Variants in TTC28 observed in about 807,000 individuals in gnomAD.
The protein encoded by TTC28 is tetratricopeptide repeat protein 28.
Under a neutral mutation model 198.0 loss-of-function variants are expected in TTC28, and 61 were observed. The observed-to-expected ratio is 0.31, with a 90% CI of 0.25 to 0.38. TTC28 has a LOEUF of 0.38. TTC28 is among the 10% of genes least tolerant of loss of function. The probability of loss-of-function intolerance (pLI) is 1.00; values close to 1 mark genes in which losing one functional copy is unlikely to be tolerated. For synonymous variants in TTC28, 1,171 were observed against 1,297.8 expected, an observed-to-expected ratio of 0.90 and a Z score of 2.10; for missense variants, 2,678 against 3,164.0, an observed-to-expected ratio of 0.85 and a Z score of 3.69.
chr22:28,198,980 T>C (rs1034123621), intron 5 of TTC28, among the ~76,000 whole-genome samples: 2 of 152,130 alleles, frequency 1.3e-5, no homozygotes, highest in Non-Finnish European at 2.9e-5. Flanking sequence ...AAAACAGGTT[T>C]GGTAAACCAA....
chr22:28,309,337 A>C (rs1569252007), intron 2 of TTC28, among the ~76,000 whole-genome samples: 1 of 152,236 alleles, frequency 6.6e-6, no homozygotes, highest in Non-Finnish European at 1.5e-5. Context: ...TGAGCAATCA[A>C]GAAACTATAT....
intron 2 of TTC28, among the ~76,000 whole-genome samples, chr22:28,613,930 G>A (rs1414459112): frequency 6.6e-6 from 1 of 152,148 alleles, no homozygotes; most frequent in African/African-American, 2.4e-5. Context: ...CACAGTATTG[G>A]AAGTTCTGGC....
chr22:28,643,169 C>T (rs1393857726), intron 1 of TTC28: 1 of 152,180 alleles, frequency 6.6e-6, no homozygotes, highest in Non-Finnish European at 1.5e-5. Context: ...AATGTGGACA[C>T]CATCATAGCG....
intron 2 of TTC28, among the ~76,000 whole-genome samples, chr22:28,352,161 A>T (rs2046006288): frequency 1.3e-5 from 2 of 152,156 alleles, no homozygotes; most frequent in African/African-American, 4.8e-5. Flanking sequence ...AAACTTTCAA[A>T]ACTGAAAACC....
At chr22:28,055,616 G>A (rs1162956842) in intron 12 of TTC28, among the ~76,000 whole-genome samples, 2 of 152,132 alleles carry the variant, frequency 1.3e-5, no homozygotes, top group Admixed American at 1.3e-4. Flanking sequence ...ACTCTATGAG[G>A]CAACGATCAT....
intron 2 of TTC28, among the ~76,000 whole-genome samples, chr22:28,435,493 T>C (rs1326650611): frequency 1.3e-5 from 2 of 152,242 alleles, no homozygotes; most frequent in Non-Finnish European, 2.9e-5. Context: ...GAGACATACA[T>C]TGTTATTAAT....
chr22:28,352,004 T>C (rs953833732), intron 2 of TTC28, among the ~76,000 whole-genome samples: 4 of 152,196 alleles, frequency 2.6e-5, no homozygotes. Context: ...TGTTCGTTTC[T>C]AGATATTCTC....
intron 2 of TTC28, among the ~76,000 whole-genome samples, chr22:28,406,642 G>C (rs187084331): frequency 1.3e-5 from 2 of 152,238 alleles, no homozygotes. Context: ...AAAAATTGGG[G>C]AAAATGCTTT....
intron 12 of TTC28, among the ~76,000 whole-genome samples, chr22:28,059,162 C>T (rs1601572319): frequency 6.6e-6 from 1 of 151,910 alleles, no homozygotes; most frequent in East Asian, 1.9e-4. Context: ...ACATGCTCTT[C>T]GTTTTCTAGC....
chr22:28,377,646 G>A lies in TTC28; in HGVS notation c.382-71003C>T, dbSNP rs142541370. On this transcript the variant is annotated intron_variant, in intron 2 of 22. Transcript: ENST00000397906. ...CCCTCAATAGTGAGGCAAAATTAAC[G>A]TAGACCAAAGGCTACTCTGGTCCTA... Among the ~76,000 whole-genome samples the A allele has an allele frequency of 9.8e-4, 149 of 152,128 alleles. 2 individuals are homozygous for A. The highest frequency in any genetic ancestry group is 6.8e-3 in the Middle Eastern group (2 of 294).
At chr22:28,273,145 T>A (rs1017592625) in intron 5 of TTC28, among the ~76,000 whole-genome samples, 1 of 152,158 alleles carries the variant, frequency 6.6e-6, no homozygotes, top group African/African-American at 2.4e-5. Flanking sequence ...TGGATTAAGA[T>A]GATCTACTCC....
chr22:28,438,152 T>G (rs969846032), intron 2 of TTC28, among the ~76,000 whole-genome samples: 7 of 152,234 alleles, frequency 4.6e-5, no homozygotes, highest in African/African-American at 1.7e-4. Context: ...TGTTATACTA[T>G]TAAATAAATT....
chr22:28,145,709 T>C (rs1290527422), intron 6 of TTC28, among the ~76,000 whole-genome samples: 1 of 152,246 alleles, frequency 6.6e-6, no homozygotes, highest in African/African-American at 2.4e-5. Flanking sequence ...AGAAATGTTA[T>C]GTATTTCAGT....
chr22:28,452,488 G>A (rs1320344564), intron 2 of TTC28, among the ~76,000 whole-genome samples: 1 of 149,788 alleles, frequency 6.7e-6, no homozygotes, highest in East Asian at 2.0e-4. Flanking sequence ...TCCTCGAGGA[G>A]AAAACAGATC....
intron 2 of TTC28, among the ~76,000 whole-genome samples, chr22:28,440,142 A>G (rs2047595514): frequency 6.6e-6 from 1 of 152,158 alleles, no homozygotes; most frequent in African/African-American, 2.4e-5. Context: ...AGCCAGCTGT[A>G]CACATTTAAT....
At chr22:28,212,010 G>A (rs953590138) in intron 5 of TTC28, among the ~76,000 whole-genome samples, 4 of 152,016 alleles carry the variant, frequency 2.6e-5, no homozygotes, top group South Asian at 2.1e-4. Context: ...ACTGAACAAC[G>A]TGCTCCTCAA....
intron 2 of TTC28, among the ~76,000 whole-genome samples, chr22:28,591,066 T>C (rs1443286652): frequency 2.4e-5 from 3 of 125,154 alleles, no homozygotes; most frequent in African/African-American, 7.0e-5. Context: ...TATATATATA[T>C]ATATATATAT....
intron 16 of TTC28, chr22:27,998,158 T>C (rs1374717658): frequency 4.0e-6 from 1 of 248,534 alleles, no homozygotes; most frequent in East Asian, 9.0e-5. Flanking sequence ...AGAGGGTAAG[T>C]AACCTATCTC....
chr22:28,597,641 A>G (rs1374038507), intron 2 of TTC28, among the ~76,000 whole-genome samples: 2 of 152,238 alleles, frequency 1.3e-5, no homozygotes, highest in African/African-American at 4.8e-5. Flanking sequence ...CAATTATTAT[A>G]GAGAAGCACG....
Sources: allele counts gnomAD v4.1 joint callset (sites outside exome capture counted in the v4.1 genomes callset), GRCh38; gene constraint gnomAD v4.1.1; transcripts MANE v1.5; gene names NCBI Gene and HGNC (gene_info 2026-07-23, HGNC 2026-07-21).